TMIGD3: variants seen among roughly 807,000 people sequenced by gnomAD.
The protein encoded by TMIGD3 is transmembrane and immunoglobulin domain containing 3.
TMIGD3 carries 21 observed loss-of-function variants against 28.1 expected under a neutral mutation model. That is an observed-to-expected ratio of 0.75 (90% CI 0.53 to 1.08). The LOEUF (loss-of-function observed/expected upper bound fraction) is 1.08. Among genes scored for constraint, TMIGD3 ranks in the 50% least tolerant of loss-of-function variants. The pLI, the probability that TMIGD3 is intolerant of heterozygous loss-of-function variation, is 0.00. For missense variants in TMIGD3, 416 were observed against 435.6 expected (o/e 0.96, Z 0.40); for synonymous variants, 151 against 162.1 (o/e 0.93, Z 0.52).
intron 1 of TMIGD3, among the ~76,000 whole-genome samples, chr1:111,501,887 G>C (rs923183003): frequency 6.6e-6 from 1 of 151,432 alleles, no homozygotes; most frequent in Non-Finnish European, 1.5e-5. Flanking sequence ...GGTCACCCGG[G>C]GAAGTAGATT....
upstream of TMIGD3, among the ~76,000 whole-genome samples, chr1:111,507,749 C>G (rs1486520702): frequency 1.3e-5 from 2 of 152,222 alleles, no homozygotes; most frequent in African/African-American, 2.4e-5. Context: ...TGCTCACTTC[C>G]TCTTGGCCCC....
chr1:111,546,879 T>C (rs1189033481), intron 1 of TMIGD3, among the ~76,000 whole-genome samples: 1 of 152,220 alleles, frequency 6.6e-6, no homozygotes, highest in Non-Finnish European at 1.5e-5. Context: ...CCAGTTTACA[T>C]TCCTACTAGC....
Position 111,483,773 on chromosome 1 carries a change from G to T in TMIGD3, c.974-16C>A. The stretch of plus-strand genomic sequence containing the variant: ...GTGTTGCCTACTTTGTTGGGGAATA[G>T]AAAGGGAAAATGGAGTTGAGATCTA... On this transcript the variant is annotated splice_polypyrimidine_tract_variant and intron_variant, in intron 5 of 5. Transcript: ENST00000369716. 1 of 1,610,750 alleles carries T rather than the reference G, an allele frequency of 6.2e-7. No individual in the cohort carries two copies.
At chr1:111,555,943 G>A (rs2789531) in intron 1 of TMIGD3, among the ~76,000 whole-genome samples, 1 of 152,136 alleles carries the variant, frequency 6.6e-6, no homozygotes, top group African/African-American at 2.4e-5. Context: ...AAACATTTGT[G>A]CATCAAAGGA....
At chr1:111,537,453 G>A (rs529113189) in intron 1 of TMIGD3, among the ~76,000 whole-genome samples, 1 of 152,342 alleles carries the variant, frequency 6.6e-6, no homozygotes, top group East Asian at 1.9e-4. Context: ...GCATCATTCA[G>A]TGATAAAGAC....
At chr1:111,549,351 T>G (rs1235268958) in intron 1 of TMIGD3, among the ~76,000 whole-genome samples, 1 of 149,972 alleles carries the variant, frequency 6.7e-6, no homozygotes, top group East Asian at 2.0e-4. Context: ...TTTTTCCCCC[T>G]TTTAAAACAT....
chr1:111,508,888 C>A (rs1233430852), intron 1 of TMIGD3, among the ~76,000 whole-genome samples: 4 of 152,128 alleles, frequency 2.6e-5, no homozygotes, highest in Admixed American at 2.6e-4. Context: ...CGAGGTCAGG[C>A]GTTCTAGACC....
intron 1 of TMIGD3, chr1:111,500,266 T>A: frequency 6.2e-7 from 1 of 1,614,074 alleles, no homozygotes; most frequent in Non-Finnish European, 8.5e-7. Context: ...CTCTTTGGAG[T>A]TAGATAAGTT....
At chr1:111,508,943 A>C (rs1250105050) in intron 1 of TMIGD3, among the ~76,000 whole-genome samples, 5 of 152,200 alleles carry the variant, frequency 3.3e-5, no homozygotes, top group Non-Finnish European at 7.3e-5. Flanking sequence ...AAAAATACAA[A>C]AATTAGCTGG....
intron 1 of TMIGD3, among the ~76,000 whole-genome samples, chr1:111,499,087 T>A (rs1473117463): frequency 2.4e-3 from 111 of 46,776 alleles, no homozygotes; most frequent in African/African-American, 8.0e-3. Context: ...CGAGACCTTG[T>A]CTCAAAAAAA....
chr1:111,516,538 A>G (rs747104558), intron 1 of TMIGD3, among the ~76,000 whole-genome samples: 39 of 152,220 alleles, frequency 2.6e-4, no homozygotes, highest in Non-Finnish European at 5.0e-4. Context: ...ATTTCTGCCC[A>G]GAGAACAGCA....
intron 1 of TMIGD3, among the ~76,000 whole-genome samples, chr1:111,557,195 T>G (rs1378226531): frequency 6.6e-6 from 1 of 152,162 alleles, no homozygotes; most frequent in East Asian, 1.9e-4. Flanking sequence ...TGGAAAAGCA[T>G]CATTTCTTCA....
intron 1 of TMIGD3, among the ~76,000 whole-genome samples, chr1:111,545,925 T>C (rs2101029617): frequency 6.6e-6 from 1 of 152,288 alleles, no homozygotes; most frequent in South Asian, 2.1e-4. Context: ...AAATCAATTG[T>C]CCACAGGTGG....
chr1:111,502,072 T>TATATTATAATAAATATATAGGATATAC, intron 1 of TMIGD3, among the ~76,000 whole-genome samples: 1 of 135,118 alleles, frequency 7.4e-6, no homozygotes, highest in East Asian at 2.0e-4. Flanking sequence ...ATAGGATATA[T>TATATTATAATAAATATATAGGATATAC]ATATTATAAT....
At chr1:111,514,643 A>AACACACACACAC (rs113195244) in intron 1 of TMIGD3, among the ~76,000 whole-genome samples, 146 of 149,014 alleles carry the variant, frequency 9.8e-4, no homozygotes, top group African/African-American at 3.4e-3. Flanking sequence ...ACAGTATGGG[A>AACACACACACAC]ACACACACAC....
At chr1:111,537,008 T>C (rs1656662160) in intron 1 of TMIGD3, among the ~76,000 whole-genome samples, 1 of 152,206 alleles carries the variant, frequency 6.6e-6, no homozygotes, top group African/African-American at 2.4e-5. Flanking sequence ...ACTTAGCAAT[T>C]CAGGTTCAAG....
chr1:111,525,325 C>A (rs975652183), intron 1 of TMIGD3, among the ~76,000 whole-genome samples: 1 of 152,102 alleles, frequency 6.6e-6, no homozygotes, highest in Non-Finnish European at 1.5e-5. Context: ...TAACAGTTTT[C>A]GTTTCATGTA....
intron 1 of TMIGD3, among the ~76,000 whole-genome samples, chr1:111,554,689 T>C (rs1285842611): frequency 6.6e-6 from 1 of 152,258 alleles, no homozygotes; most frequent in Non-Finnish European, 1.5e-5. Context: ...AAGTCTTCTC[T>C]TGAGAATTTG....
chr1:111,506,768 G>A (rs550314486), upstream of TMIGD3, among the ~76,000 whole-genome samples: 17 of 152,068 alleles, frequency 1.1e-4, no homozygotes, highest in African/African-American at 4.1e-4. Context: ...GCTAGGAAGA[G>A]ATGGCAGGAC....
Sources: gnomAD v4.1 joint callset for allele counts (sites outside exome capture counted in the v4.1 genomes callset) on GRCh38, gnomAD v4.1.1 for gene constraint, MANE v1.5 for transcripts, NCBI Gene and HGNC (gene_info 2026-07-23, HGNC 2026-07-21) for gene names.